SOX5: variants seen among roughly 807,000 people sequenced by gnomAD.
SOX5 encodes the protein SRY-box transcription factor 5, also known as transcription factor SOX-5.
A neutral mutation model predicts 92.0 loss-of-function variants in SOX5; 9 were observed. The observed-to-expected ratio is 0.10, with a 90% CI of 0.06 to 0.17. SOX5 has a LOEUF of 0.17. SOX5 is among the 10% of genes least tolerant of loss of function. The probability of loss-of-function intolerance (pLI) is 1.00; values close to 1 mark genes in which losing one functional copy is unlikely to be tolerated. For missense variants in SOX5, 642 were observed against 944.5 expected (o/e 0.68, Z 4.20); for synonymous variants, 344 against 336.3 (o/e 1.02, Z -0.25).
intron 4 of SOX5, among the ~76,000 whole-genome samples, chr12:23,977,864 A>T (rs1188927127): frequency 1.3e-5 from 2 of 152,118 alleles, no homozygotes; most frequent in Admixed American, 6.5e-5. Flanking sequence ...TAGTCCAGAT[A>T]CTAATTTGTG....
At chr12:23,854,890 T>C (rs1011468592) in intron 2 of SOX5, among the ~76,000 whole-genome samples, 40 of 152,236 alleles carry the variant, frequency 2.6e-4, no homozygotes, top group African/African-American at 8.4e-4. Flanking sequence ...TAATGAGTTA[T>C]ATGAGCTGGG....
chr12:23,742,510 T>A (rs1317228520), intron 4 of SOX5, among the ~76,000 whole-genome samples: 1 of 152,126 alleles, frequency 6.6e-6, no homozygotes, highest in Non-Finnish European at 1.5e-5. Context: ...TAATATTAAA[T>A]AATATAAATA....
intron 2 of SOX5, among the ~76,000 whole-genome samples, chr12:23,862,941 T>C (rs979713529): frequency 1.3e-5 from 2 of 152,192 alleles, no homozygotes; most frequent in Non-Finnish European, 2.9e-5. Context: ...AACAGCTTTG[T>C]GCAAGGAAAC....
intron 4 of SOX5, among the ~76,000 whole-genome samples, chr12:23,987,152 G>A (rs956436604): frequency 9.9e-5 from 15 of 152,144 alleles, no homozygotes; most frequent in African/African-American, 3.6e-4. Context: ...GACAGACAAG[G>A]AGAGACAAAA....
chr12:24,099,201 T>TCC (rs1338449203), intron 4 of SOX5, among the ~76,000 whole-genome samples: 1 of 152,194 alleles, frequency 6.6e-6, no homozygotes, highest in Non-Finnish European at 1.5e-5. Flanking sequence ...TTAAAAATAT[T>TCC]CAGGCTGCAT....
intron 3 of SOX5, among the ~76,000 whole-genome samples, chr12:24,276,266 A>G (rs1944418410): frequency 6.6e-6 from 1 of 152,118 alleles, no homozygotes; most frequent in Non-Finnish European, 1.5e-5. Context: ...AGTTATAAGT[A>G]TTTTAATAAT....
At chr12:24,214,372 C>G (rs1191014022) in intron 3 of SOX5, among the ~76,000 whole-genome samples, 1 of 152,054 alleles carries the variant, frequency 6.6e-6, no homozygotes, top group Non-Finnish European at 1.5e-5. Flanking sequence ...TTTTCCCAAT[C>G]TACAAAATGG....
chr12:23,628,458 A>G (rs567925368), intron 8 of SOX5, among the ~76,000 whole-genome samples: 1 of 152,096 alleles, frequency 6.6e-6, no homozygotes, highest in East Asian at 1.9e-4. Context: ...TTAAAATTAT[A>G]TGTTGAAGAA....
chr12:24,513,896 AT>A (rs1949545158), intron 1 of SOX5, among the ~76,000 whole-genome samples: 1 of 152,216 alleles, frequency 6.6e-6, no homozygotes, highest in Non-Finnish European at 1.5e-5. Flanking sequence ...GACTTTTGCT[AT>A]TTTACAAGGT....
At chr12:23,849,287 C>A (rs1165424223) in intron 2 of SOX5, among the ~76,000 whole-genome samples, 2 of 152,172 alleles carry the variant, frequency 1.3e-5, no homozygotes. Context: ...AGAAACATTA[C>A]ATTAATATTC....
chr12:24,533,529 T>C (rs139708531), intron 1 of SOX5, among the ~76,000 whole-genome samples: 80 of 152,302 alleles, frequency 5.3e-4, no homozygotes, highest in Non-Finnish European at 6.6e-4. Context: ...AGAAGGTATG[T>C]TGTTTTCAAA....
chr12:23,858,415 C>T (rs2096718877), intron 2 of SOX5, among the ~76,000 whole-genome samples: 1 of 152,054 alleles, frequency 6.6e-6, no homozygotes, highest in African/African-American at 2.4e-5. Context: ...AGAAGACGCA[C>T]ATGCACCCAA....
At chr12:23,561,135 A>G (rs909428416) in intron 11 of SOX5, among the ~76,000 whole-genome samples, 2 of 152,198 alleles carry the variant, frequency 1.3e-5, no homozygotes, top group Admixed American at 6.5e-5. Flanking sequence ...TAACTGTCCA[A>G]CAGGTTTTGG....
chr12:24,206,908 C>G (rs1958078081), intron 4 of SOX5, among the ~76,000 whole-genome samples: 1 of 152,210 alleles, frequency 6.6e-6, no homozygotes, highest in Admixed American at 6.5e-5. Flanking sequence ...ATCCTCCCAT[C>G]CTTCTTGATG....
At chr12:23,813,269 A>C (rs1440800388) in intron 3 of SOX5, among the ~76,000 whole-genome samples, 1 of 152,212 alleles carries the variant, frequency 6.6e-6, no homozygotes, top group Non-Finnish European at 1.5e-5. Context: ...TGCCTGAAGA[A>C]TGGTTCAGTT....
intron 10 of SOX5, among the ~76,000 whole-genome samples, chr12:23,569,636 A>G (rs774961134): frequency 1.3e-5 from 2 of 152,200 alleles, no homozygotes; most frequent in African/African-American, 2.4e-5. Flanking sequence ...GCTGTACACA[A>G]CATTCCCCCT....
At chr12:24,372,762 C>A (rs1956866165) in intron 1 of SOX5, among the ~76,000 whole-genome samples, 1 of 152,152 alleles carries the variant, frequency 6.6e-6, no homozygotes, top group Admixed American at 6.5e-5. Flanking sequence ...TAAAAGCATT[C>A]CTATTTCTCC....
intron 1 of SOX5, chr12:24,460,460 C>T (rs1249551298): frequency 6.6e-6 from 1 of 152,168 alleles, no homozygotes; most frequent in Admixed American, 6.5e-5. Context: ...CTTAATCTGA[C>T]CACTACTAAA....
At chr12:23,761,775 C>T (rs2094569602) in intron 3 of SOX5, among the ~76,000 whole-genome samples, 2 of 152,026 alleles carry the variant, frequency 1.3e-5, no homozygotes, top group South Asian at 2.1e-4. Context: ...GTACTGTGGG[C>T]TAGTCTGTTT....
Sources: allele counts gnomAD v4.1 joint callset (sites outside exome capture counted in the v4.1 genomes callset), GRCh38; gene constraint gnomAD v4.1.1; transcripts MANE v1.5; gene names NCBI Gene and HGNC (gene_info 2026-07-23, HGNC 2026-07-21).